ADGRL3: variants seen among roughly 807,000 people sequenced by gnomAD.
The protein encoded by ADGRL3 is adhesion G protein-coupled receptor L3.
ADGRL3 carries 62 observed loss-of-function variants against 153.5 expected under a neutral mutation model. That is an observed-to-expected ratio of 0.40 (90% confidence interval 0.33 to 0.50). ADGRL3 has a LOEUF of 0.50. Ranked by LOEUF, ADGRL3 falls within the 20% of genes least tolerant of loss-of-function variation. ADGRL3 has a pLI of 0.47. For missense variants in ADGRL3, 1,641 were observed against 1,859.4 expected (o/e 0.88, Z 2.16); for synonymous variants, 710 against 672.5 (o/e 1.06, Z -0.86).
At chr4:61,444,907 C>G (rs182218539) in intron 2 of ADGRL3, among the ~76,000 whole-genome samples, 2 of 151,892 alleles carry the variant, frequency 1.3e-5, no homozygotes, top group Non-Finnish European at 2.9e-5. Context: ...ACAAAAATTA[C>G]CTAGGTGTAG....
intron 5 of ADGRL3, among the ~76,000 whole-genome samples, chr4:61,625,250 G>A (rs1457757198): frequency 2.6e-5 from 4 of 152,024 alleles, no homozygotes; most frequent in Admixed American, 2.0e-4. Flanking sequence ...TAGATAAAGT[G>A]TATATGTTTG....
intron 1 of ADGRL3, among the ~76,000 whole-genome samples, chr4:61,357,778 A>G (rs1026041748): frequency 6.6e-6 from 1 of 152,150 alleles, no homozygotes; most frequent in African/African-American, 2.4e-5. Context: ...AAAGAAAAAC[A>G]TAAACTGAGT....
chr4:61,692,444 ATTTT>A (rs33992337), intron 6 of ADGRL3, among the ~76,000 whole-genome samples: 1 of 134,580 alleles, frequency 7.4e-6, no homozygotes. Flanking sequence ...CTCTCTTCCT[ATTTT>A]TTTTTTTTTT....
intron 1 of ADGRL3, among the ~76,000 whole-genome samples, chr4:61,374,018 G>A (rs2151790093): frequency 6.6e-6 from 1 of 152,204 alleles, no homozygotes; most frequent in Non-Finnish European, 1.5e-5. Context: ...ACTTCATCAA[G>A]GGGGTTAACT....
chr4:61,425,388 T>A (rs1438735180), intron 2 of ADGRL3: 1 of 152,350 alleles, frequency 6.6e-6, no homozygotes, highest in Non-Finnish European at 1.5e-5. Context: ...GCTAAGTGTA[T>A]GTGGCAGGGC....
intron 5 of ADGRL3, among the ~76,000 whole-genome samples, chr4:61,666,924 A>C (rs976777856): frequency 6.6e-6 from 1 of 152,190 alleles, no homozygotes; most frequent in African/African-American, 2.4e-5. Context: ...TTATCTGCCT[A>C]TTGATAAAGC....
intron 6 of ADGRL3, among the ~76,000 whole-genome samples, chr4:61,710,715 T>C (rs2095959465): frequency 6.6e-6 from 1 of 152,236 alleles, no homozygotes; most frequent in African/African-American, 2.4e-5. Flanking sequence ...TTGAATGAAC[T>C]AAATTTCATT....
At chr4:62,053,270 G>A (rs1369599628) in intron 25 of ADGRL3, among the ~76,000 whole-genome samples, 1 of 151,472 alleles carries the variant, frequency 6.6e-6, no homozygotes. Flanking sequence ...TCATTGGAAA[G>A]AAAGTACTTA....
chr4:61,331,068 C>A lies in ADGRL3; in HGVS notation c.-239-52056C>A, dbSNP rs77754324. 5.1e-4 allele frequency among the ~76,000 whole-genome samples: 77 copies of A among 152,156 alleles called. No homozygotes were observed. The East Asian group carries it at 0.014, about 28-fold the overall frequency. On this transcript the variant is annotated intron_variant, in intron 1 of 26. Coordinates refer to ENST00000683033, the MANE Select transcript of ADGRL3 (RefSeq NM_001387552.1). Reference sequence around the variant, plus strand: ...TCCTGCTTTTGAAACCAGTTAGGTTCAAGGGGAGGGATCATGTAGACTGCT... The same window carrying A: ...TCCTGCTTTTGAAACCAGTTAGGTTAAAGGGGAGGGATCATGTAGACTGCT...
chr4:61,532,531 TGCGCGCGCGC>T (rs35405501), intron 4 of ADGRL3, among the ~76,000 whole-genome samples: 130 of 141,296 alleles, frequency 9.2e-4, no homozygotes, highest in Middle Eastern at 7.2e-3. Context: ...GGATGCTGCA[TGCGCGCGCGC>T]GCGCGCGCGC....
chr4:61,882,710 A>T (rs2098515695), intron 9 of ADGRL3, among the ~76,000 whole-genome samples: 1 of 152,148 alleles, frequency 6.6e-6, no homozygotes, highest in Non-Finnish European at 1.5e-5. Context: ...ACCTTTGCAG[A>T]TGCTATTCCC....
intron 1 of ADGRL3, among the ~76,000 whole-genome samples, chr4:61,359,613 C>T (rs929850275): frequency 6.6e-6 from 1 of 152,112 alleles, no homozygotes; most frequent in African/African-American, 2.4e-5. Flanking sequence ...CAGGTTTTTA[C>T]TCGAATTTTA....
chr4:61,448,672 G>A (rs1051394896), intron 2 of ADGRL3, among the ~76,000 whole-genome samples: 2 of 150,246 alleles, frequency 1.3e-5, no homozygotes, highest in Non-Finnish European at 3.0e-5. Context: ...AGTTTAAGGG[G>A]CAAAAATGGC....
chr4:61,737,821 A>T (rs1422416582), intron 8 of ADGRL3, among the ~76,000 whole-genome samples: 1 of 152,100 alleles, frequency 6.6e-6, no homozygotes, highest in Non-Finnish European at 1.5e-5. Flanking sequence ...GTTAATCACG[A>T]TGTATTTGTA....
chr4:61,382,621 G>C (rs539580855), intron 1 of ADGRL3, among the ~76,000 whole-genome samples: 7 of 150,958 alleles, frequency 4.6e-5, no homozygotes, highest in Non-Finnish European at 7.4e-5. Flanking sequence ...TTAGATTATT[G>C]TGAATAAATA....
chr4:61,615,929 C>T (rs1281231998), intron 5 of ADGRL3, among the ~76,000 whole-genome samples: 3 of 152,000 alleles, frequency 2.0e-5, no homozygotes, highest in African/African-American at 7.2e-5. Flanking sequence ...AGATAAGGAA[C>T]AAACTTGCTC....
At chr4:61,763,985 C>T (rs2096943079) in intron 8 of ADGRL3, among the ~76,000 whole-genome samples, 2 of 151,952 alleles carry the variant, frequency 1.3e-5, no homozygotes, top group East Asian at 1.9e-4. Context: ...TTTATTAAAC[C>T]AACCATATTA....
intron 1 of ADGRL3, among the ~76,000 whole-genome samples, chr4:61,367,450 A>C: frequency 6.8e-6 from 1 of 148,124 alleles, no homozygotes; most frequent in Non-Finnish European, 1.5e-5. Context: ...ATGTGTTCTC[A>C]TTGTTCAATT....
chr4:61,237,741 CATTT>C (rs1032782445), intron 1 of ADGRL3, among the ~76,000 whole-genome samples: 52 of 152,262 alleles, frequency 3.4e-4, no homozygotes, highest in African/African-American at 1.3e-3. Flanking sequence ...AAAACTGCAA[CATTT>C]ATTTTGAAAA....
Sources: allele counts gnomAD v4.1 joint callset (sites outside exome capture counted in the v4.1 genomes callset), GRCh38; gene constraint gnomAD v4.1.1; transcripts MANE v1.5; gene names NCBI Gene and HGNC (gene_info 2026-07-23, HGNC 2026-07-21).